The following C10orf90 variants were observed in gnomAD, a reference collection of about 807,000 sequenced individuals.
The protein encoded by C10orf90 is (E2-independent) E3 ubiquitin-conjugating enzyme FATS.
C10orf90 carries 56 observed loss-of-function variants against 62.5 expected under a neutral mutation model. That is an observed-to-expected ratio of 0.90 (90% CI 0.72 to 1.12). The LOEUF (loss-of-function observed/expected upper bound fraction) is 1.12, where lower values mean the gene tolerates loss of function less well. C10orf90 is among the 50% of genes most tolerant of loss of function. C10orf90 has a pLI of 0.00. For synonymous variants in C10orf90, 386 were observed against 340.4 expected (o/e 1.13, Z -1.47); for missense variants, 970 against 880.4 (o/e 1.10, Z -1.29).
chr10:126,602,968 G>A (rs1214084895), intron 2 of C10orf90, among the ~76,000 whole-genome samples: 2 of 150,858 alleles, frequency 1.3e-5, no homozygotes, highest in Non-Finnish European at 3.0e-5. Flanking sequence ...TGGGGAGAAG[G>A]GAGAGAGAGA....
At chr10:126,594,645 A>G (rs1413957568) in intron 2 of C10orf90, among the ~76,000 whole-genome samples, 2 of 152,224 alleles carry the variant, frequency 1.3e-5, no homozygotes, top group Non-Finnish European at 2.9e-5. Flanking sequence ...AGAGAGTAAC[A>G]TGATTGGGAA....
intron 2 of C10orf90, among the ~76,000 whole-genome samples, chr10:126,596,035 G>A (rs763267478): frequency 6.6e-6 from 1 of 151,376 alleles, no homozygotes; most frequent in East Asian, 1.9e-4. Context: ...GAAAATCTTT[G>A]TACCTTGGGG....
chr10:126,470,869 C>CG (rs1554893012), intron 4 of C10orf90, among the ~76,000 whole-genome samples: 4,847 of 151,924 alleles, frequency 0.032, 290 homozygotes, highest in African/African-American at 0.11. Flanking sequence ...ATTTTCTCTG[C>CG]TTTTTTTTCT....
chr10:126,506,412 G>A (rs1337424848), intron 3 of C10orf90, among the ~76,000 whole-genome samples: 2 of 152,248 alleles, frequency 1.3e-5, no homozygotes, highest in African/African-American at 2.4e-5. Context: ...CTTGCATAGA[G>A]CTGCACAGGA....
Position 126,521,250 on chromosome 10 carries a change from C to T in C10orf90, c.314-7311G>A, listed in dbSNP as rs771468106. ...CAGCGTGGACAGAATGAACAGATTA[C>T]TTTATATTTTAATAAGGGTTATATC... On this transcript the variant is annotated intron_variant, in intron 2 of 9. Transcript: ENST00000488181. 6 of 1,593,604 alleles carry T rather than the reference C, an allele frequency of 3.8e-6. No homozygotes were observed. The Admixed American group carries it at 8.3e-5, about 22-fold the overall frequency.
intron 2 of C10orf90, among the ~76,000 whole-genome samples, chr10:126,601,743 A>G (rs1175211046): frequency 6.6e-6 from 1 of 152,268 alleles, no homozygotes; most frequent in South Asian, 2.1e-4. Flanking sequence ...CAGAATAACC[A>G]GCAAGTAGCC....
chr10:126,637,808 A>G (rs576281573), intron 2 of C10orf90, among the ~76,000 whole-genome samples: 22 of 152,340 alleles, frequency 1.4e-4, no homozygotes, highest in African/African-American at 5.1e-4. Context: ...AATGGTCCTT[A>G]TTCCAAGAAC....
intron 7 of C10orf90, among the ~76,000 whole-genome samples, chr10:126,435,404 T>G (rs1218906879): frequency 6.6e-6 from 1 of 152,210 alleles, no homozygotes; most frequent in African/African-American, 2.4e-5. Flanking sequence ...GACTTACCCT[T>G]GAGCTTGAGC....
chr10:126,591,503 A>G (rs1021640162), intron 2 of C10orf90, among the ~76,000 whole-genome samples: 8 of 152,212 alleles, frequency 5.3e-5, no homozygotes, highest in African/African-American at 1.9e-4. Flanking sequence ...ACATCCCTTC[A>G]TGTTAAAAAC....
At chr10:126,620,964 G>C (rs1337436997) in intron 2 of C10orf90, among the ~76,000 whole-genome samples, 1 of 152,062 alleles carries the variant, frequency 6.6e-6, no homozygotes, top group Non-Finnish European at 1.5e-5. Context: ...TTTGACATAA[G>C]AATTATAGCA....
intron 2 of C10orf90, among the ~76,000 whole-genome samples, chr10:126,631,267 C>T (rs1179940491): frequency 3.9e-5 from 6 of 152,180 alleles, no homozygotes; most frequent in South Asian, 2.1e-4. Flanking sequence ...CTCTCCAACT[C>T]GTTTTCCTAC....
At chr10:126,485,629 T>C (rs1861388347) in intron 4 of C10orf90, among the ~76,000 whole-genome samples, 1 of 152,142 alleles carries the variant, frequency 6.6e-6, no homozygotes, top group Non-Finnish European at 1.5e-5. Context: ...AAAATTCTTG[T>C]GCTCTGAAGC....
chr10:126,446,593 G>T (rs1042148945), intron 7 of C10orf90, among the ~76,000 whole-genome samples: 2 of 152,076 alleles, frequency 1.3e-5, no homozygotes, highest in Non-Finnish European at 2.9e-5. Flanking sequence ...AAGCTAAGGG[G>T]TTCACCACCA....
intron 2 of C10orf90, among the ~76,000 whole-genome samples, chr10:126,533,857 A>G (rs1864166971): frequency 6.6e-6 from 1 of 152,246 alleles, no homozygotes; most frequent in Non-Finnish European, 1.5e-5. Context: ...GCCAATAGGT[A>G]TGAGAGCTAA....
At chr10:126,503,182 TCTGGC>T (rs1159193821) in intron 4 of C10orf90, among the ~76,000 whole-genome samples, 1 of 152,148 alleles carries the variant, frequency 6.6e-6, no homozygotes, top group Non-Finnish European at 1.5e-5. Context: ...AAGAAAGAAA[TCTGGC>T]CTCTTTCTTC....
chr10:126,659,719 A>G (rs1285830305), intron 1 of C10orf90, among the ~76,000 whole-genome samples: 4 of 152,258 alleles, frequency 2.6e-5, no homozygotes, highest in Non-Finnish European at 5.9e-5. Context: ...TCATTTGGAC[A>G]AACTAGAGCT....
At chr10:126,645,875 T>C (rs539896184) in intron 2 of C10orf90, among the ~76,000 whole-genome samples, 1 of 152,224 alleles carries the variant, frequency 6.6e-6, no homozygotes, top group South Asian at 2.1e-4. Context: ...GTGGCTCATC[T>C]GCCACATTTA....
chr10:126,530,813 C>T (rs1864071248), intron 2 of C10orf90, among the ~76,000 whole-genome samples: 1 of 151,588 alleles, frequency 6.6e-6, no homozygotes, highest in Admixed American at 6.6e-5. Context: ...ACTGCAAAAG[C>T]TGATAAAGAG....
chr10:126,526,442 C>T (rs1009178509), intron 2 of C10orf90, among the ~76,000 whole-genome samples: 10 of 152,018 alleles, frequency 6.6e-5, no homozygotes, highest in Admixed American at 2.0e-4. Flanking sequence ...GATGGGGTTT[C>T]ACCGTGTTAG....
Sources: allele counts gnomAD v4.1 joint callset (sites outside exome capture counted in the v4.1 genomes callset), GRCh38; gene constraint gnomAD v4.1.1; transcripts MANE v1.5; gene names NCBI Gene and HGNC (gene_info 2026-07-23, HGNC 2026-07-21).